The following PARD3B variants were observed in gnomAD, a reference collection of about 807,000 sequenced individuals.
The protein encoded by PARD3B is par-3 family cell polarity regulator beta.
Under a neutral mutation model 130.2 loss-of-function variants are expected in PARD3B, and 103 were observed. The ratio of observed to expected loss-of-function variants is 0.79; its 90% CI spans 0.67 to 0.93. The LOEUF is 0.93. Among genes scored for constraint, PARD3B ranks in the 40% least tolerant of loss-of-function variants. The probability of loss-of-function intolerance (pLI) is 0.00; values close to 1 mark genes in which losing one functional copy is unlikely to be tolerated. For missense variants in PARD3B, 1,609 were observed against 1,499.2 expected, an observed-to-expected ratio of 1.07 and a Z score of -1.21; for synonymous variants, 583 against 553.2, an observed-to-expected ratio of 1.05 and a Z score of -0.76.
At chr2:205,057,237 T>C (rs1439900133) in intron 4 of PARD3B, among the ~76,000 whole-genome samples, 1 of 150,660 alleles carries the variant, frequency 6.6e-6, no homozygotes, top group South Asian at 2.1e-4. Context: ...ATGTGTTATA[T>C]ACATATACAT....
At chr2:204,690,560 G>C (rs556893697) in intron 2 of PARD3B, among the ~76,000 whole-genome samples, 6 of 152,050 alleles carry the variant, frequency 3.9e-5, no homozygotes, top group African/African-American at 1.2e-4. Flanking sequence ...TGCCACCAGC[G>C]AAGAATGTAG....
chr2:204,824,217 C>T lies in PARD3B; in HGVS notation c.222+137935C>T, dbSNP rs572003336. On this transcript the variant is annotated intron_variant, in intron 2 of 22. Coordinates refer to ENST00000406610, the MANE Select transcript of PARD3B (RefSeq NM_001302769.2). Reference sequence around the variant, plus strand: ...CAGGGACTGATATGTTATCCTCTGGCTTCCAATTGCATTTGGCCAATGGAG... The same window carrying T: ...CAGGGACTGATATGTTATCCTCTGGTTTCCAATTGCATTTGGCCAATGGAG... Among the ~76,000 whole-genome samples, 47 of 152,306 alleles carry T rather than the reference C, an allele frequency of 3.1e-4. 1 individual carries two copies. Among genetic ancestry groups the T allele is most frequent in the African/African-American group, 1.1e-3 (44 of 41,566 alleles).
chr2:204,801,430 A>G (rs2042563796), intron 2 of PARD3B, among the ~76,000 whole-genome samples: 1 of 152,250 alleles, frequency 6.6e-6, no homozygotes, highest in East Asian at 1.9e-4. Flanking sequence ...GGTCCTTCAC[A>G]TCCCTTGTAA....
intron 1 of PARD3B, among the ~76,000 whole-genome samples, chr2:204,577,503 G>C (rs567877080): frequency 6.6e-6 from 1 of 152,290 alleles, no homozygotes; most frequent in East Asian, 1.9e-4. Flanking sequence ...TTTGAACTGG[G>C]TCTTCTGCTT....
At chr2:205,392,359 A>C (rs2045889228) in intron 18 of PARD3B, among the ~76,000 whole-genome samples, 1 of 152,176 alleles carries the variant, frequency 6.6e-6, no homozygotes, top group East Asian at 1.9e-4. Flanking sequence ...ACATTCTAGA[A>C]ATGAGTGACA....
chr2:204,588,337 T>C (rs73057289), intron 1 of PARD3B, among the ~76,000 whole-genome samples: 5,616 of 152,290 alleles, frequency 0.037, 285 homozygotes, highest in East Asian at 0.14. Context: ...TGCTTTTTAA[T>C]ATTGAAGATG....
Position 205,440,645 on chromosome 2 carries a change from C to T in PARD3B, c.3017C>T (p.Pro1006Leu), listed in dbSNP as rs772922767. Residue 1006 changes from proline to leucine, a missense_variant, in exon 20 of 23, where the codon CCA becomes CTA. Pro to Leu is a moderately conservative substitution (Grantham distance 98, BLOSUM62 -3). Transcript: ENST00000406610. This position sits in a 1 kb window ranked among gnomAD's most constrained non-coding sequence, Gnocchi z 4.2. ...LEGLYAKVNK[P>L]YHPLVPADSG... ...GGTCTCTATGCCAAGGTCAACAAGC[C>T]ATACCATCCACTGGTTCCAGCTGAC... is the stretch of plus-strand genomic sequence containing the variant. 1.2e-6 allele frequency: 2 copies of T among 1,613,784 alleles called. No homozygotes were observed. Among genetic ancestry groups the T allele is most frequent in the East Asian group, 2.2e-5 (1 of 44,836 alleles).
intron 1 of PARD3B, among the ~76,000 whole-genome samples, chr2:204,648,256 TA>T (rs2035341577): frequency 1.3e-5 from 2 of 151,428 alleles, no homozygotes; most frequent in African/African-American, 4.8e-5. Flanking sequence ...ATTTTAAAAA[TA>T]AAACTTATTG....
chr2:205,007,580 G>C (rs1201956928), intron 3 of PARD3B, among the ~76,000 whole-genome samples: 1 of 152,146 alleles, frequency 6.6e-6, no homozygotes, highest in Non-Finnish European at 1.5e-5. Context: ...GGTGAGTATA[G>C]CCTTGTAGTG....
chr2:205,040,042 C>G (rs890190642), intron 3 of PARD3B, among the ~76,000 whole-genome samples: 3 of 152,188 alleles, frequency 2.0e-5, no homozygotes, highest in Non-Finnish European at 4.4e-5. Flanking sequence ...CGGCTCCCTG[C>G]AACCTCTGCC....
chr2:204,953,575 G>A (rs1273475887), intron 2 of PARD3B, among the ~76,000 whole-genome samples: 2 of 152,046 alleles, frequency 1.3e-5, no homozygotes, highest in African/African-American at 4.8e-5. Context: ...AGGGATCTGG[G>A]GGAGTTATAT....
intron 10 of PARD3B, among the ~76,000 whole-genome samples, chr2:205,133,948 G>T (rs545681656): frequency 6.6e-6 from 1 of 152,258 alleles, no homozygotes; most frequent in South Asian, 2.1e-4. Context: ...TTGGGTTGTT[G>T]GTATTTGTTT....
chr2:205,045,836 G>T (rs1387315698), intron 3 of PARD3B, among the ~76,000 whole-genome samples: 2 of 151,650 alleles, frequency 1.3e-5, no homozygotes, highest in Non-Finnish European at 2.9e-5. Context: ...TGACTCAGCT[G>T]CATAAAACAA....
intron 18 of PARD3B, among the ~76,000 whole-genome samples, chr2:205,372,664 A>G (rs942089340): frequency 3.6e-4 from 55 of 152,348 alleles, no homozygotes; most frequent in African/African-American, 1.3e-3. Flanking sequence ...TTTATTTCTT[A>G]TCCACACTGC....
At chr2:205,103,046 C>A (rs71427767) in intron 4 of PARD3B, among the ~76,000 whole-genome samples, 1 of 149,994 alleles carries the variant, frequency 6.7e-6, no homozygotes, top group East Asian at 1.9e-4. Context: ...CCAGCCTGGG[C>A]GACAGAGCTC....
chr2:205,488,773 T>C (rs1199176303), intron 20 of PARD3B, among the ~76,000 whole-genome samples: 1 of 152,190 alleles, frequency 6.6e-6, no homozygotes, highest in Admixed American at 6.5e-5. Context: ...CAGGGACATA[T>C]GTTCGTTAAA....
At chr2:205,103,729 G>T in intron 4 of PARD3B, 3 of 985,430 alleles carry the variant, frequency 3.0e-6, no homozygotes, top group Non-Finnish European at 3.6e-6. Flanking sequence ...AGCAGCATCA[G>T]GCGTGCTTTC....
At chr2:204,892,590 A>T (rs2046489249) in intron 2 of PARD3B, among the ~76,000 whole-genome samples, 1 of 152,214 alleles carries the variant, frequency 6.6e-6, no homozygotes, top group South Asian at 2.1e-4. Flanking sequence ...ATATAATTAC[A>T]GTAATAGGAT....
chr2:205,447,332 T>C (rs572866807), intron 20 of PARD3B, among the ~76,000 whole-genome samples: 8 of 152,328 alleles, frequency 5.3e-5, no homozygotes, highest in African/African-American at 1.9e-4. Flanking sequence ...GGGCAGTCTG[T>C]CCTCAATAAA....
Sources: gnomAD v4.1 joint callset for allele counts (sites outside exome capture counted in the v4.1 genomes callset) on GRCh38, gnomAD v4.1.1 for gene constraint, Gnocchi (gnomAD v3.1) non-coding constraint, MANE v1.5 for transcripts, NCBI Gene and HGNC (gene_info 2026-07-23, HGNC 2026-07-21) for gene names.